Variants in TSPAN8 observed in about 807,000 individuals in gnomAD.
TSPAN8 encodes the protein tetraspanin 8, also known as tetraspanin-8.
A neutral mutation model predicts 32.8 loss-of-function variants in TSPAN8; 21 were observed. The ratio of observed to expected loss-of-function variants is 0.64; its 90% CI spans 0.45 to 0.92. The LOEUF (loss-of-function observed/expected upper bound fraction) is 0.92, where lower values mean the gene tolerates loss of function less well. Ranked by LOEUF, TSPAN8 falls within the 40% of genes least tolerant of loss-of-function variation. The probability of loss-of-function intolerance (pLI) is 0.00; values close to 1 mark genes in which losing one functional copy is unlikely to be tolerated. For missense variants in TSPAN8, 269 were observed against 281.9 expected (o/e 0.95, Z 0.33); for synonymous variants, 95 against 94.6 (o/e 1.00, Z -0.03).
intron 7 of TSPAN8, 99 bp downstream of exon 7, chr12:71,132,594 C>G (rs1163751212): frequency 1.5e-6 from 2 of 1,331,272 alleles, no homozygotes; most frequent in African/African-American, 3.0e-5. Flanking sequence ...TATCATGATT[C>G]CCATGGTACT....
At chr12:71,155,192 T>C (rs76218929) in intron 2 of TSPAN8, among the ~76,000 whole-genome samples, 2,818 of 152,246 alleles carry the variant, frequency 0.019, 37 homozygotes, top group Non-Finnish European at 0.028. Flanking sequence ...TTCCAGCTAA[T>C]AAAGAAAGAA....
At chr12:71,148,934 G>A (rs1315948488) in intron 2 of TSPAN8, among the ~76,000 whole-genome samples, 1 of 152,074 alleles carries the variant, frequency 6.6e-6, no homozygotes, top group Non-Finnish European at 1.5e-5. Flanking sequence ...GCATCACATT[G>A]TGGATACCAA....
rs763217771 is a variant in TSPAN8, at chr12:71,156,250, C to CAAAAAAAAAAAAAAAA, written c.60+1353_60+1368dup. Among the ~76,000 whole-genome samples the CAAAAAAAAAAAAAAAA allele has an allele frequency of 1.1e-3, 26 of 24,340 alleles. 2 individuals carry two copies. The highest frequency in any genetic ancestry group is 3.7e-3 in the African/African-American group (16 of 4,304). 16.0% of individuals were successfully genotyped at this position (24,340 alleles called of 152,430 possible). ...TCTTTAGTGAATATTCAAAGTTCTC[C>CAAAAAAAAAAAAAAAA]AAAAAAAAAAAAAAAAAACAAACAA... On this transcript the variant is annotated intron_variant, in intron 2 of 8. Coordinates refer to ENST00000247829, the MANE Select transcript of TSPAN8 (RefSeq NM_004616.3).
intron 6 of TSPAN8, among the ~76,000 whole-genome samples, chr12:71,133,260 T>C (rs1451496160): frequency 6.6e-6 from 1 of 152,086 alleles, no homozygotes; most frequent in Non-Finnish European, 1.5e-5. Context: ...CTAATTTTTG[T>C]ATTTTTAGCA....
chr12:71,148,746 C>G (rs1216179734), intron 2 of TSPAN8, among the ~76,000 whole-genome samples: 1 of 152,132 alleles, frequency 6.6e-6, no homozygotes, highest in Non-Finnish European at 1.5e-5. Flanking sequence ...TTCTATGTCA[C>G]TGTCTTTATT....
intron 2 of TSPAN8, among the ~76,000 whole-genome samples, chr12:71,155,735 CA>C (rs1872405287): frequency 6.7e-6 from 1 of 148,982 alleles, no homozygotes; most frequent in East Asian, 2.2e-4. Flanking sequence ...ATTGTGGTAA[CA>C]TTTTTTTTTT....
At chr12:71,143,235 A>G (rs2137055286) in intron 3 of TSPAN8, among the ~76,000 whole-genome samples, 1 of 152,320 alleles carries the variant, frequency 6.6e-6, no homozygotes, top group East Asian at 1.9e-4. Flanking sequence ...GGAGCCCCAG[A>G]ATAGAAGAAG....
At chr12:71,129,939 TTTTC>T (rs908960532) in intron 7 of TSPAN8, among the ~76,000 whole-genome samples, 3 of 149,114 alleles carry the variant, frequency 2.0e-5, no homozygotes, top group East Asian at 2.0e-4. Context: ...TATTTTCTTT[TTTTC>T]TTTCTTTCTT....
Position 71,125,243 on chromosome 12 carries a change from G to T in TSPAN8, c.*91C>A. 9.1e-7 allele frequency: 1 copy of T among 1,099,380 alleles called. No homozygotes were observed. Among genetic ancestry groups the T allele is most frequent in the South Asian group, 1.5e-5 (1 of 68,530 alleles). 68.1% of individuals were successfully genotyped at this position (1,099,380 alleles called of 1,614,324 possible). ...ACATTTTAAAAAGACAGCTGCTCCT[G>T]ACTTATATAGCACTTACATATTTAA... is the stretch of plus-strand genomic sequence containing the variant. On this transcript the variant is annotated 3_prime_UTR_variant, in exon 9 of 9. Transcript: ENST00000247829.
At chr12:71,149,047 A>AT (rs1235217162) in intron 2 of TSPAN8, among the ~76,000 whole-genome samples, 4 of 152,252 alleles carry the variant, frequency 2.6e-5, no homozygotes, top group East Asian at 1.9e-4. Context: ...GTTCAACAGT[A>AT]TTTTTTATTA....
intron 2 of TSPAN8, among the ~76,000 whole-genome samples, chr12:71,152,583 C>A (rs1481071520): frequency 6.6e-6 from 1 of 152,072 alleles, no homozygotes; most frequent in Non-Finnish European, 1.5e-5. Context: ...AGAGGTTAAC[C>A]AATTTCCCCA....
intron 2 of TSPAN8, among the ~76,000 whole-genome samples, chr12:71,151,555 T>C (rs1872256211): frequency 6.6e-6 from 1 of 152,230 alleles, no homozygotes; most frequent in South Asian, 2.1e-4. Flanking sequence ...TATCCTGATG[T>C]TTCTGAATCA....
intron 6 of TSPAN8, 125 bp from the exon 7 acceptor site, chr12:71,132,949 C>T (rs534378530): frequency 4.2e-4 from 460 of 1,087,876 alleles, no homozygotes; most frequent in Non-Finnish European, 5.8e-4. Flanking sequence ...ATGTAAGTCA[C>T]CTTTCACCTT....
chr12:71,156,789 A>C (rs943631632), intron 2 of TSPAN8: 2 of 152,196 alleles, frequency 1.3e-5, no homozygotes, highest in Admixed American at 1.3e-4. Flanking sequence ...TTTTCATTTA[A>C]ATACTTTGTG....
chr12:71,157,275 CCA>C lies in TSPAN8; in HGVS notation c.60+342_60+343del, dbSNP rs1872473939. On this transcript the variant is annotated intron_variant, in intron 2 of 8. Transcript: ENST00000247829. ...CGGATGGAATCAGACCATGTTTTTA[CCA>C]CAGAGTCCTTAAATTAGGGAGGCCT... The C allele has an allele frequency of 2.3e-5, 5 of 214,548 alleles. No individual in the cohort carries two copies. In the South Asian group the frequency reaches 4.4e-4, roughly 19 times the overall value. 13.3% of individuals were successfully genotyped at this position (214,548 alleles called of 1,614,324 possible).
intron 8 of TSPAN8, among the ~76,000 whole-genome samples, chr12:71,126,851 G>C (rs1871365433): frequency 6.6e-6 from 1 of 151,764 alleles, no homozygotes; most frequent in Non-Finnish European, 1.5e-5. Context: ...ATGATAGTCT[G>C]GCTGTTTTAA....
chr12:71,154,855 A>G (rs1258416511), intron 2 of TSPAN8, among the ~76,000 whole-genome samples: 2 of 152,218 alleles, frequency 1.3e-5, no homozygotes, highest in Non-Finnish European at 2.9e-5. Flanking sequence ...GAACATGTCA[A>G]ACCAAATACT....
chr12:71,141,469 A>G (rs1320143565), intron 3 of TSPAN8, among the ~76,000 whole-genome samples: 4 of 152,204 alleles, frequency 2.6e-5, no homozygotes, highest in Non-Finnish European at 1.5e-5. Flanking sequence ...GGCAAACCCT[A>G]TGAGAGGATG....
At chr12:71,127,546 C>T (rs1010235210) in intron 8 of TSPAN8, among the ~76,000 whole-genome samples, 6 of 152,062 alleles carry the variant, frequency 3.9e-5, no homozygotes, top group Admixed American at 3.3e-4. Flanking sequence ...GATAGTAACG[C>T]AAAAACTTCA....
Sources: allele counts gnomAD v4.1 joint callset (sites outside exome capture counted in the v4.1 genomes callset), GRCh38; gene constraint gnomAD v4.1.1; transcripts MANE v1.5; gene names NCBI Gene and HGNC (gene_info 2026-07-23, HGNC 2026-07-21).